Variants in PARN observed in about 807,000 individuals in gnomAD.
PARN encodes poly(A)-specific ribonuclease, also known as poly(A)-specific ribonuclease PARN.
Under a neutral mutation model 102.8 loss-of-function variants are expected in PARN, and 71 were observed. That is an observed-to-expected ratio of 0.69 (90% CI 0.57 to 0.84). The LOEUF (loss-of-function observed/expected upper bound fraction) is 0.84, where lower values mean the gene tolerates loss of function less well. PARN is among the 40% of genes least tolerant of loss of function. The pLI is 0.00. For synonymous variants in PARN, 261 were observed against 252.9 expected, an observed-to-expected ratio of 1.03 and a Z score of -0.30; for missense variants, 782 against 760.9, an observed-to-expected ratio of 1.03 and a Z score of -0.33.
At chr16:14,448,706 G>A (rs1183894248) in intron 22 of PARN, among the ~76,000 whole-genome samples, 1 of 152,200 alleles carries the variant, frequency 6.6e-6, no homozygotes, top group Non-Finnish European at 1.5e-5. Flanking sequence ...GCACTTGATA[G>A]GACACTCAGG....
At chr16:14,594,052 T>TG (rs1970361596) in intron 12 of PARN, among the ~76,000 whole-genome samples, 1 of 151,978 alleles carries the variant, frequency 6.6e-6, no homozygotes, top group Non-Finnish European at 1.5e-5. Context: ...TCAAATAATT[T>TG]GGGAAAAAAC....
At chr16:14,594,709 G>A (rs1261704431) in intron 12 of PARN, among the ~76,000 whole-genome samples, 1 of 152,048 alleles carries the variant, frequency 6.6e-6, no homozygotes, top group Non-Finnish European at 1.5e-5. Context: ...GTCAGACTCT[G>A]TCTTGGAAAA....
At chr16:14,539,946 T>G (rs1966779098) in intron 21 of PARN, among the ~76,000 whole-genome samples, 1 of 152,198 alleles carries the variant, frequency 6.6e-6, no homozygotes, top group Admixed American at 6.5e-5. Flanking sequence ...AGCATTTGCA[T>G]TGTTAGGCAT....
At chr16:14,440,758 G>A (rs1960907295) in intron 23 of PARN, among the ~76,000 whole-genome samples, 1 of 152,162 alleles carries the variant, frequency 6.6e-6, no homozygotes, top group Non-Finnish European at 1.5e-5. Flanking sequence ...GGCTCAAAAG[G>A]CTAACTATCG....
At chr16:14,513,210 C>T (rs1341355795) in intron 21 of PARN, among the ~76,000 whole-genome samples, 3 of 152,120 alleles carry the variant, frequency 2.0e-5, no homozygotes, top group Admixed American at 2.0e-4. Context: ...CAGGCATGAG[C>T]CACTGCGCCT....
intron 22 of PARN, among the ~76,000 whole-genome samples, chr16:14,448,540 G>A (rs1408461015): frequency 6.6e-6 from 1 of 152,024 alleles, no homozygotes; most frequent in Admixed American, 6.6e-5. Context: ...TGCCCACCTC[G>A]GCCTCCCAAA....
At chr16:14,463,210 C>A (rs1962095753) in intron 22 of PARN, among the ~76,000 whole-genome samples, 1 of 152,106 alleles carries the variant, frequency 6.6e-6, no homozygotes, top group Non-Finnish European at 1.5e-5. Context: ...TGCTCCAGAC[C>A]CAGCAAACTA....
intron 7 of PARN, among the ~76,000 whole-genome samples, chr16:14,610,345 C>G (rs376997301): frequency 6.6e-6 from 1 of 151,810 alleles, no homozygotes; most frequent in African/African-American, 2.4e-5. Flanking sequence ...TGGTGGTGCA[C>G]GCCTATAATC....
intron 21 of PARN, among the ~76,000 whole-genome samples, chr16:14,507,548 G>A (rs931905002): frequency 2.6e-5 from 4 of 151,586 alleles, no homozygotes; most frequent in Non-Finnish European, 1.5e-5. Flanking sequence ...TACAAAAAAG[G>A]CATGGTGGTG....
chr16:14,486,454 T>C (rs561423551), intron 21 of PARN, among the ~76,000 whole-genome samples: 1 of 152,282 alleles, frequency 6.6e-6, no homozygotes, highest in South Asian at 2.1e-4. Flanking sequence ...AAAGCAAAGG[T>C]GATGACAGGG....
At chr16:14,465,072 T>C (rs1026324132) in intron 22 of PARN, among the ~76,000 whole-genome samples, 2 of 152,066 alleles carry the variant, frequency 1.3e-5, no homozygotes, top group Non-Finnish European at 2.9e-5. Context: ...TTTCCTTTTC[T>C]TTTTTTTAAA....
chr16:14,579,754 A>T (rs1969387784), intron 18 of PARN, among the ~76,000 whole-genome samples: 1 of 152,100 alleles, frequency 6.6e-6, no homozygotes, highest in African/African-American at 2.4e-5. Context: ...GTGGGCAGAT[A>T]ACCTGAGGTC....
chr16:14,538,513 G>A (rs1027622906), intron 21 of PARN, among the ~76,000 whole-genome samples: 9 of 152,048 alleles, frequency 5.9e-5, no homozygotes, highest in Non-Finnish European at 2.9e-5. Context: ...CAGCCACCAC[G>A]CCTGGCCTTT....
intron 6 of PARN, among the ~76,000 whole-genome samples, chr16:14,612,282 C>T (rs1227674425): frequency 6.6e-6 from 1 of 151,802 alleles, no homozygotes; most frequent in African/African-American, 2.4e-5. Flanking sequence ...ACTAAAAATA[C>T]AAAAATTAGC....
intron 21 of PARN, among the ~76,000 whole-genome samples, chr16:14,541,108 T>C (rs72787672): frequency 0.23 from 34,753 of 150,564 alleles, 4,446 homozygotes; most frequent in Middle Eastern, 0.31. Context: ...CTGGACATCA[T>C]GGCGAAACAT....
intron 11 of PARN, among the ~76,000 whole-genome samples, chr16:14,603,344 G>C (rs1053415291): frequency 6.6e-6 from 1 of 152,068 alleles, no homozygotes; most frequent in Admixed American, 6.6e-5. Context: ...CCCAAAGTGG[G>C]TCATTGTGGT....
chr16:14,472,882 T>C (rs1962827313), intron 22 of PARN, among the ~76,000 whole-genome samples: 1 of 152,196 alleles, frequency 6.6e-6, no homozygotes, highest in African/African-American at 2.4e-5. Context: ...TTTATGCAAC[T>C]TTTTTTCTCT....
chr16:14,466,240 C>G (rs1456572515), intron 22 of PARN, among the ~76,000 whole-genome samples: 1 of 152,140 alleles, frequency 6.6e-6, no homozygotes, highest in Non-Finnish European at 1.5e-5. Context: ...CTCTGAGGGA[C>G]AGGATGAGGG....
At chr16:14,608,701 C>G (rs554461126) in intron 8 of PARN, among the ~76,000 whole-genome samples, 32 of 152,258 alleles carry the variant, frequency 2.1e-4, no homozygotes, top group Admixed American at 9.8e-4. Flanking sequence ...TCTCTGAATA[C>G]AGAGAGAAAT....
Sources: gnomAD v4.1 joint callset for allele counts (sites outside exome capture counted in the v4.1 genomes callset) on GRCh38, gnomAD v4.1.1 for gene constraint, MANE v1.5 for transcripts, NCBI Gene and HGNC (gene_info 2026-07-23, HGNC 2026-07-21) for gene names.